SFI1: variants seen among roughly 807,000 people sequenced by gnomAD.
SFI1 encodes protein SFI1 homolog.
Under a neutral mutation model 207.5 loss-of-function variants are expected in SFI1, and 195 were observed. That is an observed-to-expected ratio of 0.94 (90% CI 0.84 to 1.06). The LOEUF is 1.06. Ranked by LOEUF, SFI1 falls within the 50% of genes least tolerant of loss-of-function variation. The pLI, the probability that SFI1 is intolerant of heterozygous loss-of-function variation, is 0.00. For missense variants in SFI1, 1,634 were observed against 1,588.0 expected (o/e 1.03, Z -0.49); for synonymous variants, 630 against 598.9 (o/e 1.05, Z -0.76).
At chr22:31,611,691 G>A in intron 23 of SFI1, 75 bp from the exon 24 acceptor site, 5 of 1,430,926 alleles carry the variant, frequency 3.5e-6, no homozygotes, top group Non-Finnish European at 4.8e-6. Context: ...GCAGAGGCTG[G>A]GTTAGATCAG....
chr22:31,612,208 C>T (rs547019451), intron 24 of SFI1: 4 of 384,220 alleles, frequency 1.0e-5, no homozygotes, highest in Non-Finnish European at 1.4e-5. Context: ...GAAACCCCGT[C>T]TCTACTAAAA....
chr22:31,605,039 C>T (rs1003521087), intron 20 of SFI1, 94 bp downstream of exon 20: 41 of 1,132,926 alleles, frequency 3.6e-5, no homozygotes, highest in African/African-American at 1.4e-4. Flanking sequence ...AGGGCCAGGT[C>T]GGGGATGATC....
chr22:31,503,749 A>ATT (rs759980698), intron 1 of SFI1, among the ~76,000 whole-genome samples: 12 of 137,184 alleles, frequency 8.7e-5, no homozygotes, highest in Admixed American at 1.5e-4. Flanking sequence ...CACCATGCCA[A>ATT]TTTTTTTTTT....
intron 8 of SFI1, 121 bp from the exon 9 acceptor site, chr22:31,572,937 A>G: frequency 3.0e-6 from 3 of 990,164 alleles, no homozygotes; most frequent in Non-Finnish European, 4.5e-6. Context: ...GGGGATTGCC[A>G]CTTCCTTGTT....
chr22:31,527,488 A>AT (rs2058044003), intron 2 of SFI1, among the ~76,000 whole-genome samples: 1 of 152,204 alleles, frequency 6.6e-6, no homozygotes, highest in South Asian at 2.1e-4. Context: ...TAATGCCAGC[A>AT]TTTTGGAAGG....
intron 14 of SFI1, among the ~76,000 whole-genome samples, chr22:31,586,514 G>T (rs779472609): frequency 6.6e-6 from 1 of 152,182 alleles, no homozygotes; most frequent in Non-Finnish European, 1.5e-5. Context: ...ATGCTACAGG[G>T]CATGGCCTCT....
intron 10 of SFI1, among the ~76,000 whole-genome samples, chr22:31,575,804 C>A (rs2063418806): frequency 6.6e-6 from 1 of 152,144 alleles, no homozygotes; most frequent in Admixed American, 6.6e-5. Context: ...CTTGGTGATA[C>A]CATCACCGTG....
chr22:31,535,207 A>T (rs2058870084), intron 4 of SFI1, among the ~76,000 whole-genome samples: 1 of 104,990 alleles, frequency 9.5e-6, no homozygotes. Flanking sequence ...TTTTTTTGAG[A>T]CATAGTGTTG....
In SFI1 at chr22:31,578,437, C is replaced by T. The variant is rs771455161; in HGVS notation, c.1140C>T (p.His380=). 4.3e-6 allele frequency: 7 copies of T among 1,613,612 alleles called. No individual in the cohort carries two copies. In the Admixed American group the frequency reaches 1.2e-4, roughly 27 times the overall value. ...AAQFEMAEEH[H]RHSQLYFCFR... ...AGTTTGAGATGGCAGAAGAGCACCA[C>T]AGGCACAGCCAGCTGGTAAGAGCCC... Residue 380 remains histidine, a synonymous_variant, in exon 11 of 33, where the codon CAC becomes CAT. Coordinates refer to ENST00000400288, the MANE Select transcript of SFI1 (RefSeq NM_001007467.3).
At chr22:31,593,877 C>G (rs1206177284) in intron 15 of SFI1, among the ~76,000 whole-genome samples, 2 of 148,062 alleles carry the variant, frequency 1.4e-5, no homozygotes, top group African/African-American at 5.0e-5. Flanking sequence ...CGCAGGCATT[C>G]GGCAGACTGA....
chr22:31,559,596 A>T, intron 7 of SFI1: 1 of 666,392 alleles, frequency 1.5e-6, no homozygotes. Flanking sequence ...ATGTGGGTTG[A>T]CAGTACACTC....
chr22:31,596,553 A>G lies in SFI1; in HGVS notation c.1545-5659A>G, dbSNP rs373785147. ...CACCTGTAATCCCAGTACTTGGGGA[A>G]GCTAAGGCAGGTGGATCACCTGAGG... On this transcript the variant is annotated intron_variant, in intron 15 of 32. Transcript: ENST00000400288. Among the ~76,000 whole-genome samples the G allele has an allele frequency of 3.7e-3, 565 of 152,058 alleles. 1 individual carries two copies. Among genetic ancestry groups the G allele is most frequent in the Middle Eastern group, 6.9e-3 (2 of 290 alleles).
chr22:31,551,578 C>T (rs1372903062), intron 6 of SFI1, among the ~76,000 whole-genome samples: 2 of 152,186 alleles, frequency 1.3e-5, no homozygotes, highest in East Asian at 3.8e-4. Flanking sequence ...CTTTGATACA[C>T]ACTACCACAT....
intron 4 of SFI1, among the ~76,000 whole-genome samples, chr22:31,543,108 C>G (rs1201242265): frequency 6.6e-6 from 1 of 151,622 alleles, no homozygotes; most frequent in African/African-American, 2.4e-5. Flanking sequence ...GTAGTTGGGA[C>G]TACAGGTGCC....
At chr22:31,593,926 A>G (rs1428936606) in intron 15 of SFI1, among the ~76,000 whole-genome samples, 15 of 139,320 alleles carry the variant, frequency 1.1e-4, no homozygotes, top group Non-Finnish European at 1.9e-4. Flanking sequence ...GTGAGCCGAG[A>G]TGGCAGCAGT....
intron 4 of SFI1, among the ~76,000 whole-genome samples, chr22:31,537,687 C>A (rs2059121893): frequency 6.6e-6 from 1 of 152,066 alleles, no homozygotes. Flanking sequence ...AAGCAGCTAC[C>A]AGAATTAGAA....
At chr22:31,583,123 G>T (rs916971407) in intron 12 of SFI1, among the ~76,000 whole-genome samples, 1 of 151,996 alleles carries the variant, frequency 6.6e-6, no homozygotes, top group African/African-American at 2.4e-5. Flanking sequence ...TTGTTTGTTT[G>T]TTTGTTTGAG....
chr22:31,559,916 A>G, intron 7 of SFI1: 2 of 610,834 alleles, frequency 3.3e-6, no homozygotes, highest in Non-Finnish European at 6.0e-6. Flanking sequence ...TGGCTGTACC[A>G]TGGGCGGGTC....
At chr22:31,583,776 C>A in intron 12 of SFI1, 99 bp from the exon 13 acceptor site, 6 of 1,017,976 alleles carry the variant, frequency 5.9e-6, no homozygotes, top group Middle Eastern at 2.5e-4. Flanking sequence ...TAACTGAGGT[C>A]ATTTCTGCTT....
Sources: gnomAD v4.1 joint callset for allele counts (sites outside exome capture counted in the v4.1 genomes callset) on GRCh38, gnomAD v4.1.1 for gene constraint, MANE v1.5 for transcripts, NCBI Gene and HGNC (gene_info 2026-07-23, HGNC 2026-07-21) for gene names.